The following PDLIM7 variants were observed in gnomAD, a reference collection of about 807,000 sequenced individuals.
The protein encoded by PDLIM7 is PDZ and LIM domain 7, also known as PDZ and LIM domain protein 7.
PDLIM7 carries 37 observed loss-of-function variants against 53.9 expected under a neutral mutation model. The observed-to-expected ratio is 0.69, with a 90% CI of 0.53 to 0.90. The LOEUF (loss-of-function observed/expected upper bound fraction) is 0.90. PDLIM7 is among the 40% of genes least tolerant of loss of function. The pLI, the probability that PDLIM7 is intolerant of heterozygous loss-of-function variation, is 0.00. For missense variants in PDLIM7, 617 were observed against 638.5 expected (o/e 0.97, Z 0.36); for synonymous variants, 300 against 261.3 (o/e 1.15, Z -1.43).
chr5:177,492,953 C>T (rs775009329), intron 2 of PDLIM7: 2 of 469,106 alleles, frequency 4.3e-6, no homozygotes, highest in African/African-American at 3.9e-5. Flanking sequence ...AGTCACGATG[C>T]TTATCTATTC....
At chr5:177,484,027 C>T (rs754583164) in intron 11 of PDLIM7, 43 bp downstream of exon 11, 3 of 1,613,270 alleles carry the variant, frequency 1.9e-6, no homozygotes, top group East Asian at 2.2e-5. Flanking sequence ...TTCATGCCTG[C>T]CCCATGCACC....
At chr5:177,488,482 G>A (rs1216258622) in intron 9 of PDLIM7, among the ~76,000 whole-genome samples, 2 of 152,232 alleles carry the variant, frequency 1.3e-5, no homozygotes, top group African/African-American at 4.8e-5. Context: ...TTAGAGCAGG[G>A]AGGACCCCGG....
rs544166676 is a variant in PDLIM7, at chr5:177,486,662, A to G, written c.1050+1406T>C. ...TCTTTCTTTTTTTCTTTTTGAGACA[A>G]GAGTCTCGCTCTGTCGCCCAGGCTG... On this transcript the variant is annotated intron_variant, in intron 10 of 12. Transcript: ENST00000355841. 5.7e-4 allele frequency among the ~76,000 whole-genome samples: 86 copies of G among 152,090 alleles called. No individual in the cohort carries two copies. In the East Asian group the frequency reaches 9.3e-3, roughly 16 times the overall value.
At chr5:177,490,428 AGG>A (rs1345202334) in intron 7 of PDLIM7, 100 of 1,523,146 alleles carry the variant, frequency 6.6e-5, no homozygotes, top group Non-Finnish European at 8.1e-5. Context: ...GGAGGCACTA[AGG>A]GGGTGCCCTG....
In PDLIM7 at chr5:177,489,383, G is replaced by C; in HGVS notation, c.869+10C>G. On this transcript the variant is annotated intron_variant, in intron 9 of 12. Coordinates refer to ENST00000355841, the MANE Select transcript of PDLIM7 (RefSeq NM_005451.5). ...GGAAAGCCAGGGTCGGACAGGAACA[G>C]GCCACCCACCGGATGACCTTGTGGC... 1 of 1,546,404 alleles carries C rather than the reference G, an allele frequency of 6.5e-7. No individual in the cohort carries two copies. Among genetic ancestry groups the C allele is most frequent in the Non-Finnish European group, 8.8e-7 (1 of 1,141,002 alleles).
At position 177,489,596 on chromosome 5, in the gene PDLIM7, C is replaced by T. The variant is rs370109744; in HGVS notation, c.666G>A (p.Pro222=). The part of the protein sequence containing the change: ...GPTAPSPTSR[P]PWAVDPAFAE... ...CAAACGCAGGGTCCACAGCCCAGGG[C>T]GGGCGGCTGGTAGGGCTGGGGGCGG... is the stretch of plus-strand genomic sequence containing the variant. Residue 222 remains proline, a synonymous_variant, in exon 9 of 13, where the codon CCG becomes CCA. Transcript: ENST00000355841. The T allele has an allele frequency of 1.1e-5, 17 of 1,605,640 alleles. No individual in the cohort carries two copies. The highest frequency in any genetic ancestry group is 3.3e-5 in the South Asian group (3 of 90,186).
At chr5:177,491,677 G>C (rs1023490862) in intron 5 of PDLIM7, 130 bp downstream of exon 5, 30 of 638,570 alleles carry the variant, frequency 4.7e-5, no homozygotes, top group Non-Finnish European at 6.9e-5. Flanking sequence ...CCCCACCCCG[G>C]CCGCCAGGGG....
chr5:177,490,099 T>A (rs1429136967), intron 7 of PDLIM7: 2 of 1,523,308 alleles, frequency 1.3e-6, no homozygotes, highest in East Asian at 2.5e-5. Context: ...CAGGAAGCCA[T>A]CTGTGATGGC....
At chr5:177,486,213 C>A (rs895346156) in intron 10 of PDLIM7, among the ~76,000 whole-genome samples, 3 of 152,064 alleles carry the variant, frequency 2.0e-5, no homozygotes, top group African/African-American at 7.2e-5. Flanking sequence ...GCCACTGCAT[C>A]ATGCAGGCAA....
chr5:177,493,735 G>A (rs1228573842), intron 2 of PDLIM7, among the ~76,000 whole-genome samples: 2 of 152,134 alleles, frequency 1.3e-5, no homozygotes, highest in African/African-American at 4.8e-5. Flanking sequence ...CCAAGCCTAA[G>A]GGACCACCCA....
At chr5:177,490,585 T>C (rs1758701437) in intron 7 of PDLIM7, 1 of 1,553,778 alleles carries the variant, frequency 6.4e-7, no homozygotes, top group Non-Finnish European at 8.7e-7. Flanking sequence ...CTCCAGGACA[T>C]ACTTTTCCCT....
At chr5:177,490,038 G>A in intron 7 of PDLIM7, 5 of 1,533,404 alleles carry the variant, frequency 3.3e-6, no homozygotes, top group East Asian at 2.5e-5. Context: ...CTAGCTGGGA[G>A]ACGAGGCAGG....
At chr5:177,486,807 A>AT (rs1422845903) in intron 10 of PDLIM7, among the ~76,000 whole-genome samples, 1 of 146,846 alleles carries the variant, frequency 6.8e-6, no homozygotes, top group Admixed American at 6.9e-5. Flanking sequence ...ATTTTTTTGT[A>AT]TTTTTAGTAG....
At chr5:177,484,048 A>AC (rs746118019) in intron 11 of PDLIM7, 22 bp downstream of exon 11, 1 of 1,613,502 alleles carries the variant, frequency 6.2e-7, no homozygotes, top group East Asian at 2.2e-5. Flanking sequence ...ATCCCTCCTC[A>AC]CCCTCACTGG....
chr5:177,491,795 G>A lies in PDLIM7; in HGVS notation c.398+12C>T. ...TGATGGCGTGGGCGCGGGCGGGCAG[G>A]GGCCGACGTACCCATTCTGCTGCGG... On this transcript the variant is annotated intron_variant, in intron 5 of 12. Transcript: ENST00000355841. The A allele has an allele frequency of 9.0e-6, 11 of 1,221,798 alleles. No homozygotes were observed. Among genetic ancestry groups the A allele is most frequent in the Non-Finnish European group, 1.0e-5 (10 of 956,434 alleles). 75.7% of individuals were successfully genotyped at this position (1,221,798 alleles called of 1,614,324 possible).
intron 10 of PDLIM7, among the ~76,000 whole-genome samples, chr5:177,486,623 G>A (rs1758454880): frequency 6.6e-6 from 1 of 152,128 alleles, no homozygotes; most frequent in South Asian, 2.1e-4. Flanking sequence ...GCCCAAGGCT[G>A]GGAGGCAGAT....
At chr5:177,490,694 GA>G in intron 7 of PDLIM7, 175 bp downstream of exon 7, 1 of 935,814 alleles carries the variant, frequency 1.1e-6, no homozygotes, top group Non-Finnish European at 1.6e-6. Flanking sequence ...AGAAATGAAA[GA>G]AGGAAGGAAG....
intron 9 of PDLIM7, among the ~76,000 whole-genome samples, chr5:177,489,086 C>T (rs73349165): frequency 0.011 from 1,681 of 152,284 alleles, 31 homozygotes; most frequent in African/African-American, 0.038. Context: ...GAGGGGCAGA[C>T]GCGCTGGGAG....
At chr5:177,487,270 G>C (rs1758513898) in intron 10 of PDLIM7, among the ~76,000 whole-genome samples, 1 of 152,166 alleles carries the variant, frequency 6.6e-6, no homozygotes, top group East Asian at 1.9e-4. Context: ...CCCCAGTTTT[G>C]CTGGACACAT....
Sources: gnomAD v4.1 joint callset for allele counts (sites outside exome capture counted in the v4.1 genomes callset) on GRCh38, gnomAD v4.1.1 for gene constraint, MANE v1.5 for transcripts, NCBI Gene and HGNC (gene_info 2026-07-23, HGNC 2026-07-21) for gene names.